FAM237A: variants seen among roughly 807,000 people sequenced by gnomAD.
The protein encoded by FAM237A is family with sequence similarity 237 member A, also known as protein FAM237A.
A neutral mutation model predicts 12.5 loss-of-function variants in FAM237A; 14 were observed. The ratio of observed to expected loss-of-function variants is 1.12; its 90% CI spans 0.74 to 1.75. FAM237A has a LOEUF of 1.75. Among genes scored for constraint, FAM237A ranks in the 40% most tolerant of loss-of-function variants. The pLI is 0.00. For missense variants in FAM237A, 240 were observed against 211.7 expected (o/e 1.13, Z -0.83); for synonymous variants, 85 against 77.5 (o/e 1.10, Z -0.51).
Position 206,644,361 on chromosome 2 carries a change from T to G in FAM237A, c.125T>G (p.Leu42Arg), listed in dbSNP as rs1699290098. 1 of 1,613,778 alleles carries G rather than the reference T, an allele frequency of 6.2e-7. No homozygotes were observed. Among genetic ancestry groups the G allele is most frequent in the South Asian group, 1.1e-5 (1 of 90,988 alleles). ...CATAGCCAGACAGACTTGCTGGCTC[T>G]TAGCCAAGCTGATCCTCAGTGCTGG... is the stretch of plus-strand genomic sequence containing the variant. ...FCHSQTDLLA[L>R]SQADPQCWES... is the part of the protein sequence containing the mutation. Residue 42 changes from leucine (L) to arginine (R), a missense_variant, in exon 2 of 3, where the codon CTT (leucine) becomes CGT (arginine). Leu to Arg is a moderately radical substitution (Grantham distance 102, BLOSUM62 -2). Coordinates refer to ENST00000441223, the MANE Select transcript of FAM237A (RefSeq NM_001102659.3).
At chr2:206,647,351 C>T (rs1699329415) in intron 2 of FAM237A, among the ~76,000 whole-genome samples, 1 of 152,062 alleles carries the variant, frequency 6.6e-6, no homozygotes, top group Non-Finnish European at 1.5e-5. Context: ...ACCCCAAGGA[C>T]CGTTGACTGA....
At chr2:206,648,598 T>G in intron 2 of FAM237A, 63 bp from the exon 3 acceptor site, 2 of 1,465,856 alleles carry the variant, frequency 1.4e-6, no homozygotes, top group Non-Finnish European at 1.8e-6. Flanking sequence ...GATAATTTAT[T>G]GATATTTAAT....
In FAM237A at chr2:206,644,501, G is replaced by A. The variant is rs758879715; in HGVS notation, c.265G>A (p.Ala89Thr). The change falls in exon 2 of 3, where the codon GCA becomes ACA. Residue 89 changes from alanine to threonine, a missense_variant. Ala to Thr is a moderately conservative substitution (Grantham distance 58). Transcript: ENST00000441223. ...GTCATCTGAGAACTTGAAGCATGGA[G>A]CACTGTTTTGGGATCTGGCCCAACT... ...LKSSENLKHG[A>T]LFWDLAQLFW... 23 of 1,613,912 alleles carry A rather than the reference G, an allele frequency of 1.4e-5. No homozygotes were observed. Among genetic ancestry groups the A allele is most frequent in the Middle Eastern group, 1.6e-4 (1 of 6,084 alleles).
Position 206,648,758 on chromosome 2 carries a change from CA to C in FAM237A, c.511del (p.Ile171LeufsTer4). 1 of 1,546,370 alleles carries C rather than the reference CA, an allele frequency of 6.5e-7. No homozygotes were observed. The highest frequency in any genetic ancestry group is 8.7e-7 in the Non-Finnish European group (1 of 1,144,820). ...MHVRRSGSSV[I>X]GKVNLEIKRK ...ATGTGCGTAGGAGTGGGTCTAGTGT[CA>C]TTGGAAAAGTGAACCTGGAAATAAA... On this transcript the variant is annotated frameshift_variant, in exon 3 of 3. Transcript: ENST00000441223. LOFTEE classifies it high-confidence loss of function.
At chr2:206,647,490 A>G (rs763293672) in intron 2 of FAM237A, among the ~76,000 whole-genome samples, 3 of 152,192 alleles carry the variant, frequency 2.0e-5, no homozygotes, top group Non-Finnish European at 4.4e-5. Flanking sequence ...TATTTAGTCT[A>G]GAAAGGCATG....
At chr2:206,647,172 G>A (rs1170134874) in intron 2 of FAM237A, among the ~76,000 whole-genome samples, 1 of 152,158 alleles carries the variant, frequency 6.6e-6, no homozygotes, top group Non-Finnish European at 1.5e-5. Flanking sequence ...GTAACCGTGA[G>A]CAAGTTAACT....
At chr2:206,644,140 G>A (rs1699286680) in intron 1 of FAM237A, 87 bp from the exon 2 acceptor site, 5 of 1,217,358 alleles carry the variant, frequency 4.1e-6, no homozygotes, top group Non-Finnish European at 5.6e-6. Flanking sequence ...TCCTTTGCTG[G>A]AAGTAAGGTT....
chr2:206,643,223 AG>A (rs1043467485), intron 1 of FAM237A, among the ~76,000 whole-genome samples: 4 of 152,180 alleles, frequency 2.6e-5, no homozygotes, highest in African/African-American at 4.8e-5. Context: ...AACATCTAAA[AG>A]GTTTGGAAAT....
chr2:206,643,488 G>A (rs879917295), intron 1 of FAM237A: 5 of 152,108 alleles, frequency 3.3e-5, no homozygotes, highest in African/African-American at 1.2e-4. Context: ...GACATTGAAA[G>A]CCAGAAAAGT....
intron 2 of FAM237A, among the ~76,000 whole-genome samples, 160 bp from the exon 3 acceptor site, chr2:206,648,501 A>T (rs1193941782): frequency 6.6e-6 from 1 of 152,234 alleles, no homozygotes; most frequent in African/African-American, 2.4e-5. Flanking sequence ...ACTTTGCACA[A>T]ATACACACTT....
At position 206,648,787 on chromosome 2, in the gene FAM237A, G is replaced by T; in HGVS notation, c.539G>T (p.Arg180Ile). 6.5e-7 allele frequency: 1 copy of T among 1,531,592 alleles called. No homozygotes were observed. The allele number at this position is 1,531,592 out of a possible 1,614,324, so 94.9% of individuals were successfully genotyped here. Residue 180 changes from arginine to isoleucine, a missense_variant, in exon 3 of 3, where the codon AGA (arginine) becomes ATA (isoleucine). Physicochemically the swap from Arg to Ile is moderately conservative, Grantham distance 97. Transcript: ENST00000441223. ...VIGKVNLEIK[R>I]K ...GGAAAAGTGAACCTGGAAATAAAGA[G>T]AAAATAAATTGAACTCGGAGCTAAT...
intron 2 of FAM237A, among the ~76,000 whole-genome samples, chr2:206,645,428 T>C (rs1699305975): frequency 6.6e-6 from 1 of 152,204 alleles, no homozygotes; most frequent in African/African-American, 2.4e-5. Context: ...TACATATTAT[T>C]GTTATCTTTT....
chr2:206,647,305 A>G (rs1213714177), intron 2 of FAM237A, among the ~76,000 whole-genome samples: 1 of 152,180 alleles, frequency 6.6e-6, no homozygotes, highest in Non-Finnish European at 1.5e-5. Flanking sequence ...TATGAAAGGC[A>G]CTTATTTAAC....
At chr2:206,644,783 C>A in intron 2 of FAM237A, 135 bp downstream of exon 2, 1 of 813,024 alleles carries the variant, frequency 1.2e-6, no homozygotes, top group African/African-American at 1.7e-5. Context: ...ACCCCAAGAG[C>A]ACATAACTGA....
rs1261339210 is a variant in FAM237A, at chr2:206,647,638, C to CAG, written c.413-1022_413-1021insGA. On this transcript the variant is annotated intron_variant, in intron 2 of 2. Coordinates refer to ENST00000441223, the MANE Select transcript of FAM237A (RefSeq NM_001102659.3). ...AGGGTGAGAGAGACACACAGACACA[C>CAG]ACACACACACACACACACACACACA... Among the ~76,000 whole-genome samples, 50 of 144,286 alleles carry CAG rather than the reference C, an allele frequency of 3.5e-4. No individual in the cohort carries two copies. The East Asian group carries it at 4.9e-3, about 14-fold the overall frequency. 94.7% of individuals were successfully genotyped at this position (144,286 alleles called of 152,430 possible).
At position 206,644,093 on chromosome 2, in the gene FAM237A, T is replaced by C. The variant is rs1284198847; in HGVS notation, c.-10-134T>C. On this transcript the variant is annotated intron_variant, in intron 1 of 2. Coordinates refer to ENST00000441223, the MANE Select transcript of FAM237A (RefSeq NM_001102659.3). ...GAACGGAGCTTGTGATATGGGAGCT[T>C]GGCTAAGATTTCCCTACTTTGTGAC... 4 of 838,382 alleles carry C rather than the reference T, an allele frequency of 4.8e-6. No homozygotes were observed. In the East Asian group the frequency reaches 1.1e-4, roughly 23 times the overall value. 51.9% of individuals were successfully genotyped at this position (838,382 alleles called of 1,614,324 possible).
rs752439688 is a variant in FAM237A at position 206,648,754 on chromosome 2, G to A, written c.506G>A (p.Ser169Asn). The A allele has an allele frequency of 6.4e-6, 10 of 1,552,700 alleles. No homozygotes were observed. In the South Asian group the frequency reaches 1.2e-4, roughly 19 times the overall value. ...ATGCATGTGCGTAGGAGTGGGTCTAGTGTCATTGGAAAAGTGAACCTGGAA... is the reference window on the plus strand; with the variant it reads ...ATGCATGTGCGTAGGAGTGGGTCTAATGTCATTGGAAAAGTGAACCTGGAA... ...ISMHVRRSGS[S>N]VIGKVNLEIK... The change falls in exon 3 of 3, where the codon AGT becomes AAT. Residue 169 changes from serine (S) to asparagine (N), a missense_variant. Coordinates refer to ENST00000441223, the MANE Select transcript of FAM237A (RefSeq NM_001102659.3).
chr2:206,645,396 G>T (rs115139764), intron 2 of FAM237A, among the ~76,000 whole-genome samples: 3 of 152,168 alleles, frequency 2.0e-5, no homozygotes, highest in African/African-American at 4.8e-5. Flanking sequence ...CTGTGAGTAA[G>T]CAGAGAGATG....
chr2:206,649,028 A>G lies in FAM237A; in HGVS notation c.*234A>G, dbSNP rs567086794. On this transcript the variant is annotated 3_prime_UTR_variant, in exon 3 of 3. Coordinates refer to ENST00000441223, the MANE Select transcript of FAM237A (RefSeq NM_001102659.3). The stretch of plus-strand genomic sequence containing the variant: ...TTACTGCCAGTCTATCCCACAGTCT[A>G]AAGGAGTTAAATAACTTCCAGAGAT... The G allele has an allele frequency of 2.4e-5, 5 of 209,880 alleles. No individual in the cohort carries two copies. The highest frequency in any genetic ancestry group is 4.7e-5 in the Non-Finnish European group (5 of 107,108). 13.0% of individuals were successfully genotyped at this position (209,880 alleles called of 1,614,324 possible).
Sources: gnomAD v4.1 joint callset for allele counts (sites outside exome capture counted in the v4.1 genomes callset) on GRCh38, gnomAD v4.1.1 for gene constraint, MANE v1.5 for transcripts, NCBI Gene and HGNC (gene_info 2026-07-23, HGNC 2026-07-21) for gene names.